The following CAPN5 variants were observed in gnomAD, a reference collection of about 807,000 sequenced individuals.
CAPN5 encodes calpain 5, also known as calpain-5.
Under a neutral mutation model 73.0 loss-of-function variants are expected in CAPN5, and 54 were observed. The observed-to-expected ratio is 0.74, with a 90% CI of 0.59 to 0.93. CAPN5 has a LOEUF of 0.93. CAPN5 is among the 40% of genes least tolerant of loss of function. CAPN5 has a pLI of 0.00. For synonymous variants in CAPN5, 335 were observed against 356.9 expected (o/e 0.94, Z 0.69); for missense variants, 785 against 882.9 (o/e 0.89, Z 1.41).
chr11:77,070,659 G>A (rs1010812990), intron 1 of CAPN5, among the ~76,000 whole-genome samples: 7 of 152,170 alleles, frequency 4.6e-5, no homozygotes, highest in South Asian at 2.1e-4. Context: ...TCACTGTTGC[G>A]ACAAATTGCC....
chr11:77,076,909 A>G (rs529707602), intron 1 of CAPN5, among the ~76,000 whole-genome samples: 11 of 152,318 alleles, frequency 7.2e-5, no homozygotes, highest in Admixed American at 2.6e-4. Context: ...ATCATATGGT[A>G]GTTTTATTTT....
At chr11:77,106,937 C>T (rs1456252086) in intron 3 of CAPN5, among the ~76,000 whole-genome samples, 1 of 152,222 alleles carries the variant, frequency 6.6e-6, no homozygotes, top group Non-Finnish European at 1.5e-5. Context: ...CACCTCAGAG[C>T]GGCCCAGCAG....
At chr11:77,072,270 A>G (rs1189454729) in intron 1 of CAPN5, among the ~76,000 whole-genome samples, 2 of 152,024 alleles carry the variant, frequency 1.3e-5, no homozygotes, top group African/African-American at 4.8e-5. Context: ...TGAAATCACA[A>G]TCTACCCTTT....
At chr11:77,094,458 A>G (rs1199051633) in intron 3 of CAPN5, among the ~76,000 whole-genome samples, 3 of 152,214 alleles carry the variant, frequency 2.0e-5, no homozygotes, top group African/African-American at 7.2e-5. Flanking sequence ...CCAACCTCCT[A>G]TCCCAGCACT....
intron 1 of CAPN5, among the ~76,000 whole-genome samples, chr11:77,075,138 A>G (rs1477995731): frequency 1.3e-5 from 2 of 152,150 alleles, no homozygotes; most frequent in Non-Finnish European, 2.9e-5. Flanking sequence ...CACGCTGCAC[A>G]TGGCATCCCG....
chr11:77,067,645 G>GTGTGTGTGTT (rs1949858585), intron 1 of CAPN5, among the ~76,000 whole-genome samples: 1 of 150,806 alleles, frequency 6.6e-6, no homozygotes, highest in South Asian at 2.1e-4. Context: ...GTGTGTGTGT[G>GTGTGTGTGTT]TGTGTGTGTG....
rs1038365267 is a variant in CAPN5 at position 77,085,061 on chromosome 11, T to G, written c.165+10T>G. ...GTGGAAGCGACCCAAGGTCAGTGTCTGGTCCCAGCTGGAGCTGGGTGAGCG... is the reference window on the plus strand; with the variant it reads ...GTGGAAGCGACCCAAGGTCAGTGTCGGGTCCCAGCTGGAGCTGGGTGAGCG... On this transcript the variant is annotated intron_variant, in intron 2 of 12. Transcript: ENST00000648180. The G allele has an allele frequency of 1.4e-5, 23 of 1,611,694 alleles. No individual in the cohort carries two copies. Among genetic ancestry groups the G allele is most frequent in the Non-Finnish European group, 1.9e-5 (23 of 1,179,712 alleles).
At position 77,093,695 on chromosome 11, in the gene CAPN5, AC is replaced by A; in HGVS notation, c.184del (p.Arg62AlafsTer101). On this transcript the variant is annotated frameshift_variant, in exon 3 of 13. Transcript: ENST00000648180. LOFTEE classifies it high-confidence loss of function. ...CCTTCTCCGCAGGGCATCTGCGAGG[AC>A]CCCCGCCTCTTTGTGGATGGCATCA... ...RWKRPKGICEDPRLFVDGISS... is the reference protein window; with the variant it reads ...RWKRPKGICEXPRLFVDGISS... 6.3e-7 allele frequency: 1 copy of A among 1,592,130 alleles called. No individual in the cohort carries two copies. Among genetic ancestry groups the A allele is most frequent in the South Asian group, 1.1e-5 (1 of 88,816 alleles).
chr11:77,074,092 G>A (rs1949941422), intron 1 of CAPN5, among the ~76,000 whole-genome samples: 1 of 152,214 alleles, frequency 6.6e-6, no homozygotes, highest in Non-Finnish European at 1.5e-5. Flanking sequence ...GATGGAGGAT[G>A]GGGTATGGGA....
intron 3 of CAPN5, among the ~76,000 whole-genome samples, chr11:77,099,727 C>T (rs1444054319): frequency 1.6e-4 from 16 of 98,754 alleles, no homozygotes; most frequent in Admixed American, 4.0e-4. Flanking sequence ...GAGAGGGAGA[C>T]GGAGAGGGAG....
rs782594005 is a variant in CAPN5, at chr11:77,084,899, G to A, written c.13G>A (p.Val5Met). MFSC[V>M]KPYEDQNYSA... ...GGCAGCAGCCACCATGTTCTCGTGTGTGAAGCCCTATGAGGACCAGAACTA... is the reference window on the plus strand; with the variant it reads ...GGCAGCAGCCACCATGTTCTCGTGTATGAAGCCCTATGAGGACCAGAACTA... Residue 5 changes from valine to methionine, a missense_variant, in exon 2 of 13, where the codon GTG becomes ATG. Coordinates refer to ENST00000648180, the MANE Select transcript of CAPN5 (RefSeq NM_004055.5). The A allele has an allele frequency of 2.5e-6, 4 of 1,614,094 alleles. No homozygotes were observed. Among genetic ancestry groups the A allele is most frequent in the Admixed American group, 1.7e-5 (1 of 60,026 alleles).
intron 3 of CAPN5, among the ~76,000 whole-genome samples, chr11:77,104,925 G>A (rs1208602561): frequency 6.6e-6 from 1 of 152,216 alleles, no homozygotes; most frequent in Non-Finnish European, 1.5e-5. Context: ...GTGGGTGAGA[G>A]AGTGGGAGAG....
intron 1 of CAPN5, among the ~76,000 whole-genome samples, chr11:77,068,619 G>A (rs569958453): frequency 5.3e-5 from 8 of 152,330 alleles, no homozygotes; most frequent in African/African-American, 1.4e-4. Context: ...GCCACCTTTG[G>A]CTGCAGTAGT....
intron 2 of CAPN5, among the ~76,000 whole-genome samples, chr11:77,091,075 C>G (rs1283008843): frequency 2.0e-5 from 3 of 152,182 alleles, no homozygotes; most frequent in Non-Finnish European, 4.4e-5. Context: ...TGCTCATGCC[C>G]TTGGGGGAAT....
At chr11:77,095,735 G>T (rs1025524543) in intron 3 of CAPN5, among the ~76,000 whole-genome samples, 9 of 152,236 alleles carry the variant, frequency 5.9e-5, no homozygotes, top group African/African-American at 2.2e-4. Flanking sequence ...GGCCCAAGTG[G>T]TTCCTGGTGC....
intron 3 of CAPN5, among the ~76,000 whole-genome samples, chr11:77,096,819 A>G (rs1950213553): frequency 6.6e-6 from 1 of 152,204 alleles, no homozygotes; most frequent in Non-Finnish European, 1.5e-5. Flanking sequence ...GCCAAAAAAA[A>G]GCATGGAAGT....
chr11:77,075,193 C>G (rs995381499), intron 1 of CAPN5, among the ~76,000 whole-genome samples: 6 of 152,144 alleles, frequency 3.9e-5, no homozygotes, highest in African/African-American at 1.2e-4. Flanking sequence ...TGATCCCTGC[C>G]CCACACCCCT....
chr11:77,105,553 G>A (rs184097937), intron 3 of CAPN5, among the ~76,000 whole-genome samples: 1 of 152,312 alleles, frequency 6.6e-6, no homozygotes, highest in Non-Finnish European at 1.5e-5. Flanking sequence ...GGCAGGGGGT[G>A]GATGGAAGGG....
At chr11:77,076,637 C>T (rs1949971620) in intron 1 of CAPN5, among the ~76,000 whole-genome samples, 1 of 152,166 alleles carries the variant, frequency 6.6e-6, no homozygotes, top group African/African-American at 2.4e-5. Flanking sequence ...CTGTGTCTGG[C>T]TTATTTCACT....
Sources: gnomAD v4.1 joint callset for allele counts (sites outside exome capture counted in the v4.1 genomes callset) on GRCh38, gnomAD v4.1.1 for gene constraint, MANE v1.5 for transcripts, NCBI Gene and HGNC (gene_info 2026-07-23, HGNC 2026-07-21) for gene names.